The following USP32 variants were observed in gnomAD, a reference collection of about 807,000 sequenced individuals.
USP32 encodes ubiquitin specific peptidase 32.
Under a neutral mutation model 204.8 loss-of-function variants are expected in USP32, and 59 were observed. The ratio of observed to expected loss-of-function variants is 0.29; its 90% CI spans 0.23 to 0.36. The LOEUF is 0.36. Among genes scored for constraint, USP32 ranks in the 10% least tolerant of loss-of-function variants. The probability of loss-of-function intolerance (pLI) is 1.00; values close to 1 mark genes in which losing one functional copy is unlikely to be tolerated. For synonymous variants in USP32, 517 were observed against 678.4 expected, an observed-to-expected ratio of 0.76 and a Z score of 3.70; for missense variants, 1,160 against 1,946.4, an observed-to-expected ratio of 0.60 and a Z score of 7.60.
At chr17:60,192,963 A>G in intron 27 of USP32, 33 bp from the exon 28 acceptor site, 1 of 1,610,938 alleles carries the variant, frequency 6.2e-7, no homozygotes, top group Non-Finnish European at 8.5e-7. Context: ...GAGTGTAAGA[A>G]GCATTTCTGG....
At chr17:60,355,255 G>A (rs915258886) in intron 1 of USP32, among the ~76,000 whole-genome samples, 3 of 152,148 alleles carry the variant, frequency 2.0e-5, no homozygotes, top group Admixed American at 6.6e-5. Context: ...TGACAGGTCA[G>A]AACAGTTATT....
At chr17:60,288,113 CAAA>C (rs1045323566) in intron 5 of USP32, among the ~76,000 whole-genome samples, 832 of 29,412 alleles carry the variant, frequency 0.028, 12 homozygotes, top group South Asian at 0.078. Context: ...GACTTCGTCT[CAAA>C]AAAAAAAAAA....
chr17:60,281,115 A>T (rs2086956475), intron 5 of USP32, among the ~76,000 whole-genome samples: 1 of 152,240 alleles, frequency 6.6e-6, no homozygotes, highest in Admixed American at 6.5e-5. Flanking sequence ...TTTTATACTG[A>T]TCTACAGCCC....
At chr17:60,397,029 C>T (rs1179604879), upstream of USP32, among the ~76,000 whole-genome samples, 1 of 152,168 alleles carries the variant, frequency 6.6e-6, no homozygotes, top group Non-Finnish European at 1.5e-5. Flanking sequence ...TCTCCTTGAT[C>T]TCTTTACTTC....
chr17:60,339,718 C>T (rs928461510), intron 2 of USP32, among the ~76,000 whole-genome samples: 23 of 152,092 alleles, frequency 1.5e-4, no homozygotes, highest in Middle Eastern at 6.8e-3. Flanking sequence ...ATAAATCTCT[C>T]TTTTGCTCTA....
At chr17:60,258,946 G>A (rs2086385281) in intron 9 of USP32, among the ~76,000 whole-genome samples, 1 of 152,096 alleles carries the variant, frequency 6.6e-6, no homozygotes, top group South Asian at 2.1e-4. Context: ...TGCTTACAGT[G>A]CACCTAGAAC....
At chr17:60,256,736 A>G in intron 9 of USP32, 1 of 1,153,960 alleles carries the variant, frequency 8.7e-7, no homozygotes, top group Non-Finnish European at 1.1e-6. Flanking sequence ...AAGAACTTCA[A>G]AGGCTATGTA....
chr17:60,391,229 G>A (rs1375622869), intron 1 of USP32, among the ~76,000 whole-genome samples: 1 of 152,218 alleles, frequency 6.6e-6, no homozygotes, highest in Non-Finnish European at 1.5e-5. Flanking sequence ...TGAAACCTAA[G>A]ACAAGGTCTG....
intron 22 of USP32, 47 bp from the exon 23 acceptor site, chr17:60,208,875 A>T (rs2668966): frequency 6.6e-7 from 1 of 1,503,956 alleles, no homozygotes; most frequent in Non-Finnish European, 8.9e-7. Flanking sequence ...CCAAAAGAGA[A>T]GCATTTCTAT....
At chr17:60,329,959 T>A (rs1016127911) in intron 2 of USP32, among the ~76,000 whole-genome samples, 2 of 152,260 alleles carry the variant, frequency 1.3e-5, no homozygotes, top group Non-Finnish European at 2.9e-5. Context: ...TGAGGTAAGT[T>A]ATTCGTATGC....
Position 60,235,376 on chromosome 17 carries a change from C to T in USP32, c.1239+762G>A, listed in dbSNP as rs2085694824. Among the ~76,000 whole-genome samples the T allele has an allele frequency of 2.0e-5, 3 of 152,178 alleles. No individual in the cohort carries two copies. In the East Asian group the frequency reaches 5.8e-4, roughly 29 times the overall value. The stretch of plus-strand genomic sequence containing the variant: ...TTCAGAGACACCAAAGTCCGTGTTT[C>T]CCAATTAATATATTTTACATGTGAA... On this transcript the variant is annotated intron_variant, in intron 12 of 33. Coordinates refer to ENST00000300896, the MANE Select transcript of USP32 (RefSeq NM_032582.4).
chr17:60,412,359 G>T (rs952780628), intron 1 of USP32, among the ~76,000 whole-genome samples: 1 of 151,678 alleles, frequency 6.6e-6, no homozygotes, highest in Admixed American at 6.6e-5. Context: ...ACAAAAATTG[G>T]CCGGGTATGT....
chr17:60,201,843 G>A (rs1291189563), intron 26 of USP32, among the ~76,000 whole-genome samples: 1 of 152,048 alleles, frequency 6.6e-6, no homozygotes, highest in East Asian at 1.9e-4. Context: ...ATTTTTAGTA[G>A]AGATGGAGTT....
intron 4 of USP32, among the ~76,000 whole-genome samples, chr17:60,292,886 A>T (rs1032835578): frequency 4.6e-5 from 7 of 152,052 alleles, no homozygotes; most frequent in Non-Finnish European, 8.8e-5. Flanking sequence ...GTCCTATAGG[A>T]CAATATATAA....
At chr17:60,375,333 C>T (rs2089519132) in intron 1 of USP32, among the ~76,000 whole-genome samples, 1 of 152,146 alleles carries the variant, frequency 6.6e-6, no homozygotes. Flanking sequence ...ATAGTCTCAG[C>T]TTGCATGGTC....
At chr17:60,226,510 T>C (rs1040799848) in intron 12 of USP32, among the ~76,000 whole-genome samples, 14 of 152,172 alleles carry the variant, frequency 9.2e-5, no homozygotes, top group Admixed American at 2.0e-4. Context: ...TTTTTTAACA[T>C]TAAAAGTAAA....
At chr17:60,204,466 CTTTTT>C (rs748141290) in intron 26 of USP32, among the ~76,000 whole-genome samples, 7 of 129,440 alleles carry the variant, frequency 5.4e-5, no homozygotes, top group Non-Finnish European at 8.3e-5. Context: ...TTAGGAGATA[CTTTTT>C]TTTTTTTTTT....
chr17:60,345,404 G>A (rs1301841533), intron 2 of USP32, 77 bp downstream of exon 2: 38 of 1,568,352 alleles, frequency 2.4e-5, no homozygotes, highest in Admixed American at 5.9e-5. Flanking sequence ...TCTGTTAAGA[G>A]CAGAAGGCCC....
At chr17:60,222,676 A>AT in intron 14 of USP32, 127 bp from the exon 15 acceptor site, 7 of 794,382 alleles carry the variant, frequency 8.8e-6, no homozygotes, top group Non-Finnish European at 9.4e-6. Context: ...GGAAAAACTT[A>AT]ATTTTTTTTT....
Sources: allele counts gnomAD v4.1 joint callset (sites outside exome capture counted in the v4.1 genomes callset), GRCh38; gene constraint gnomAD v4.1.1; transcripts MANE v1.5; gene names NCBI Gene and HGNC (gene_info 2026-07-23, HGNC 2026-07-21).